The following TRIM14 variants were observed in gnomAD, a reference collection of about 807,000 sequenced individuals.
The protein encoded by TRIM14 is tripartite motif-containing protein 14.
Under a neutral mutation model 44.5 loss-of-function variants are expected in TRIM14, and 28 were observed. The observed-to-expected ratio is 0.63, with a 90% CI of 0.47 to 0.86. The LOEUF (loss-of-function observed/expected upper bound fraction) is 0.86. Ranked by LOEUF, TRIM14 falls within the 40% of genes least tolerant of loss-of-function variation. TRIM14 has a pLI of 0.00. For missense variants in TRIM14, 607 were observed against 611.1 expected, an observed-to-expected ratio of 0.99 and a Z score of 0.07; for synonymous variants, 299 against 269.2, an observed-to-expected ratio of 1.11 and a Z score of -1.08.
chr9:98,076,585 G>A, intron 6 of TRIM14: 1 of 262,088 alleles, frequency 3.8e-6, no homozygotes, highest in East Asian at 1.4e-4. Context: ...ATGTTGGTCA[G>A]GCTAGTCTCA....
rs1564171497 is a variant in TRIM14 at position 98,087,367 on chromosome 9, CTAAGAAGCAGGCAGTAA to C, written c.*86_*102del. On this transcript the variant is annotated 3_prime_UTR_variant, in exon 6 of 6. Transcript: ENST00000341469. The stretch of plus-strand genomic sequence containing the variant: ...GGAAAGCTGGGGCAGGGAGAGGGCC[CTAAGAAGCAGGCAGTAA>C]GGGGACCAGCCACGCTGATCTAGGT... The C allele has an allele frequency of 6.4e-7, 1 of 1,553,440 alleles. No homozygotes were observed. Among genetic ancestry groups the C allele is most frequent in the South Asian group, 1.1e-5 (1 of 89,192 alleles).
chr9:98,101,269 C>T (rs1289563816), intron 2 of TRIM14, among the ~76,000 whole-genome samples: 2 of 151,896 alleles, frequency 1.3e-5, no homozygotes, highest in Admixed American at 6.6e-5. Context: ...GACACCATGC[C>T]CAGCCCAGAA....
At chr9:98,061,051 G>A in the TRIM14 span, 7 of 1,576,248 alleles carry the variant, frequency 4.4e-6, no homozygotes, top group South Asian at 7.8e-5. Flanking sequence ...AGGGTCAGCA[G>A]GCAGCCTGGT....
At chr9:98,055,354 T>A in the TRIM14 span, among the ~76,000 whole-genome samples, 2 of 152,076 alleles carry the variant, frequency 1.3e-5, no homozygotes, top group Admixed American at 6.6e-5. Flanking sequence ...ATGTGGTGGG[T>A]TAAGAGAGGC....
the TRIM14 span, among the ~76,000 whole-genome samples, chr9:98,045,745 T>G: frequency 2.0e-5 from 3 of 152,162 alleles, no homozygotes; most frequent in African/African-American, 2.4e-5. Context: ...AAGTAGAGCT[T>G]CTTCTAATGA....
chr9:98,049,634 T>A, the TRIM14 span, among the ~76,000 whole-genome samples: 3 of 152,168 alleles, frequency 2.0e-5, no homozygotes, highest in Non-Finnish European at 4.4e-5. Flanking sequence ...TAATGAACAG[T>A]GAGGACAACC....
At chr9:98,036,174 GCAACAGAGTGAGACTCTGTCT>G in the TRIM14 span, among the ~76,000 whole-genome samples, 1 of 151,224 alleles carries the variant, frequency 6.6e-6, no homozygotes, top group Admixed American at 6.6e-5. Context: ...TCCAGCCTGG[GCAACAGAGTGAGACTCTGTCT>G]CAAAAAAACA....
the TRIM14 span, among the ~76,000 whole-genome samples, chr9:98,057,921 G>GTTTTTT: frequency 2.3e-5 from 2 of 87,476 alleles, no homozygotes; most frequent in Admixed American, 2.6e-4. Context: ...TTTTTTTCCT[G>GTTTTTT]GTTTTTTTTT....
intron 6 of TRIM14, chr9:98,076,783 C>T: frequency 1.5e-6 from 1 of 661,200 alleles, no homozygotes; most frequent in Non-Finnish European, 2.6e-6. Context: ...AAATCTTTGC[C>T]TGCTTTCAAG....
the TRIM14 span, among the ~76,000 whole-genome samples, chr9:98,063,403 A>G: frequency 1.3e-5 from 2 of 151,140 alleles, no homozygotes; most frequent in Non-Finnish European, 2.9e-5. Context: ...CACCAGGCCC[A>G]GCTAAATTTT....
chr9:98,080,784 TTTAATG>T (rs1249216145), downstream of TRIM14: 1 of 1,545,072 alleles, frequency 6.5e-7, no homozygotes, highest in African/African-American at 1.4e-5. Context: ...CAGCATGATA[TTTAATG>T]TTATTTTTCT....
chr9:98,035,958 C>T, the TRIM14 span, among the ~76,000 whole-genome samples: 4 of 152,302 alleles, frequency 2.6e-5, no homozygotes, highest in Admixed American at 2.0e-4. Flanking sequence ...CGGCTGTAAT[C>T]CCAGCACTTT....
rs1825750777 is a variant in TRIM14 at position 98,085,701 on chromosome 9, A to G, written c.*1769T>C. The stretch of plus-strand genomic sequence containing the variant: ...AAACTCTGTCCAGCCAGAGTTTTAA[A>G]GTCTTTGGTTAGAAGTTAAGGTGTT... On this transcript the variant is annotated 3_prime_UTR_variant, in exon 6 of 6. Transcript: ENST00000341469. 6.6e-6 allele frequency: 1 copy of G among 152,270 alleles called. No individual in the cohort carries two copies. Among genetic ancestry groups the G allele is most frequent in the East Asian group, 1.9e-4 (1 of 5,180 alleles). The allele number at this position is 152,270 out of a possible 1,614,324, so 9.4% of individuals were successfully genotyped here.
At chr9:98,113,784 G>A (rs1009368707) in intron 1 of TRIM14, among the ~76,000 whole-genome samples, 3 of 152,230 alleles carry the variant, frequency 2.0e-5, no homozygotes, top group Admixed American at 2.0e-4. Context: ...GTCCCATGCT[G>A]TCTTTATTAG....
At chr9:98,078,179 G>A (rs1304466132) in intron 6 of TRIM14, 4 of 1,614,194 alleles carry the variant, frequency 2.5e-6, no homozygotes, top group East Asian at 2.2e-5. Flanking sequence ...TGGTGTTGGT[G>A]CTGGATTACT....
At chr9:98,039,119 C>G in the TRIM14 span, among the ~76,000 whole-genome samples, 2 of 152,014 alleles carry the variant, frequency 1.3e-5, no homozygotes, top group East Asian at 3.9e-4. Context: ...GTATTTCATG[C>G]ATGATAAGTG....
At chr9:98,050,749 A>G in the TRIM14 span, among the ~76,000 whole-genome samples, 2 of 152,086 alleles carry the variant, frequency 1.3e-5, no homozygotes, top group African/African-American at 4.8e-5. Flanking sequence ...TCAGCGTGTC[A>G]TTCATAGGTT....
downstream of TRIM14, among the ~76,000 whole-genome samples, chr9:98,065,483 ATTTTTT>A (rs397837187): frequency 8.5e-4 from 50 of 58,632 alleles, no homozygotes; most frequent in South Asian, 3.9e-3. Context: ...TGCCCAGCTA[ATTTTTT>A]TTTTTTTTTT....
the TRIM14 span, among the ~76,000 whole-genome samples, chr9:98,063,991 C>G: frequency 2.0e-5 from 3 of 152,204 alleles, no homozygotes; most frequent in African/African-American, 7.2e-5. Context: ...TTTGGTCAAC[C>G]AGGTTATTTG....
Sources: allele counts gnomAD v4.1 joint callset (sites outside exome capture counted in the v4.1 genomes callset), GRCh38; gene constraint gnomAD v4.1.1; transcripts MANE v1.5; gene names NCBI Gene and HGNC (gene_info 2026-07-23, HGNC 2026-07-21).